Variants in TLN2 observed in about 807,000 individuals in gnomAD.
TLN2 encodes the protein talin 2, also known as talin-2.
A neutral mutation model predicts 294.7 loss-of-function variants in TLN2; 118 were observed. The ratio of observed to expected loss-of-function variants is 0.40; its 90% CI spans 0.34 to 0.47. The LOEUF (loss-of-function observed/expected upper bound fraction) is 0.47, where lower values mean the gene tolerates loss of function less well. Ranked by LOEUF, TLN2 falls within the 20% of genes least tolerant of loss-of-function variation. The pLI is 0.84. For missense variants in TLN2, 3,083 were observed against 3,282.2 expected, an observed-to-expected ratio of 0.94 and a Z score of 1.48; for synonymous variants, 1,431 against 1,304.5, an observed-to-expected ratio of 1.10 and a Z score of -2.09.
intron 29 of TLN2, among the ~76,000 whole-genome samples, chr15:62,737,728 T>G (rs1263289428): frequency 6.6e-6 from 1 of 152,088 alleles, no homozygotes; most frequent in East Asian, 1.9e-4. Context: ...TTGGGCAGAG[T>G]GAGGTTTGGG....
rs543761116 is a variant in TLN2 at position 62,837,357 on chromosome 15, T to A, written c.7374+1284T>A. ...CATCCTGAGTTAAGAGAGACCTGGTTCAAGTCCTGCTTCTGCCATTTATTA... is the reference window on the plus strand; with the variant it reads ...CATCCTGAGTTAAGAGAGACCTGGTACAAGTCCTGCTTCTGCCATTTATTA... On this transcript the variant is annotated intron_variant, in intron 57 of 58. Coordinates refer to ENST00000636159, the MANE Select transcript of TLN2 (RefSeq NM_015059.3). Among the ~76,000 whole-genome samples the A allele has an allele frequency of 5.9e-5, 9 of 152,314 alleles. No individual in the cohort carries two copies. In the South Asian group the frequency reaches 8.3e-4, roughly 14 times the overall value.
At chr15:62,792,859 CA>C (rs1333830324) in intron 46 of TLN2, 72 bp downstream of exon 46, 2 of 1,576,696 alleles carry the variant, frequency 1.3e-6, no homozygotes, top group African/African-American at 2.7e-5. Flanking sequence ...TAATCAAGGA[CA>C]AAAGCAGGAA....
intron 20 of TLN2, 113 bp from the exon 21 acceptor site, chr15:62,708,389 A>G: frequency 9.2e-7 from 1 of 1,083,988 alleles, no homozygotes; most frequent in Non-Finnish European, 1.4e-6. Flanking sequence ...GTGGTCCTGT[A>G]AGTAAGAAAC....
intron 11 of TLN2, among the ~76,000 whole-genome samples, chr15:62,678,138 T>C (rs529323725): frequency 1.2e-4 from 19 of 152,296 alleles, no homozygotes; most frequent in African/African-American, 4.6e-4. Flanking sequence ...TTCAAATTGT[T>C]ATTAATTTTA....
chr15:62,578,231 T>G (rs2044600259), intron 1 of TLN2, among the ~76,000 whole-genome samples: 1 of 152,152 alleles, frequency 6.6e-6, no homozygotes, highest in Admixed American at 6.5e-5. Flanking sequence ...TTACAAAATC[T>G]CATCACCCAA....
chr15:62,537,061 C>T (rs1232776189), intron 1 of TLN2, among the ~76,000 whole-genome samples: 2 of 151,788 alleles, frequency 1.3e-5, no homozygotes, highest in African/African-American at 4.8e-5. Flanking sequence ...CTCTGTCGCC[C>T]AGGCTGGAGT....
chr15:62,779,750 G>T (rs923207204), intron 43 of TLN2, among the ~76,000 whole-genome samples: 1 of 152,226 alleles, frequency 6.6e-6, no homozygotes, highest in African/African-American at 2.4e-5. Context: ...GACTAGCAGG[G>T]CCCCCGTGCC....
intron 1 of TLN2, among the ~76,000 whole-genome samples, chr15:62,572,794 G>T (rs990529107): frequency 7.0e-6 from 1 of 142,696 alleles, no homozygotes; most frequent in African/African-American, 2.5e-5. Context: ...CTGACCCTGG[G>T]TCTGGAGGCA....
At chr15:62,496,490 C>G (rs1047207902) in intron 1 of TLN2, among the ~76,000 whole-genome samples, 2 of 150,906 alleles carry the variant, frequency 1.3e-5, no homozygotes, top group African/African-American at 4.9e-5. Flanking sequence ...CTCACCCACA[C>G]TTTGCAGAGA....
chr15:62,434,617 A>C (rs558685476), intron 1 of TLN2, among the ~76,000 whole-genome samples: 27 of 152,338 alleles, frequency 1.8e-4, no homozygotes, highest in African/African-American at 5.8e-4. Flanking sequence ...TATCATTTTT[A>C]ATCATTTAAC....
chr15:62,800,336 C>A (rs1481435637), intron 48 of TLN2, 32 bp from the exon 49 acceptor site: 1 of 1,607,170 alleles, frequency 6.2e-7, no homozygotes, highest in South Asian at 1.1e-5. Flanking sequence ...CATCTTGACG[C>A]CTGCTCACCT....
At chr15:62,471,229 C>T (rs746983179) in intron 1 of TLN2, among the ~76,000 whole-genome samples, 5 of 152,084 alleles carry the variant, frequency 3.3e-5, no homozygotes, top group African/African-American at 1.2e-4. Flanking sequence ...CCCAGCTACT[C>T]GGGGGACTGA....
chr15:62,505,541 G>T (rs1398779658), intron 1 of TLN2, among the ~76,000 whole-genome samples: 2 of 152,130 alleles, frequency 1.3e-5, no homozygotes, highest in Non-Finnish European at 2.9e-5. Context: ...TCTAATTGGG[G>T]TCTGCAGGCG....
chr15:62,576,593 GTA>G (rs2044423219), intron 1 of TLN2, among the ~76,000 whole-genome samples: 3 of 112,108 alleles, frequency 2.7e-5, no homozygotes, highest in Admixed American at 1.0e-4. Context: ...ACATTGCTCT[GTA>G]TTTTTTTTTT....
Position 62,841,834 on chromosome 15 carries a change from T to C in TLN2, c.*1224T>C, listed in dbSNP as rs2070734578. 1 of 152,140 alleles carries C rather than the reference T, an allele frequency of 6.6e-6. No individual in the cohort carries two copies. The allele number at this position is 152,140 out of a possible 1,614,324, so 9.4% of individuals were successfully genotyped here. On this transcript the variant is annotated 3_prime_UTR_variant, in exon 59 of 59. Coordinates refer to ENST00000636159, the MANE Select transcript of TLN2 (RefSeq NM_015059.3). ...TTTAGCCAAGGCAGTGCATGGAAGA[T>C]GAATGGCTCGTGGGACAGAATCTAA...
At chr15:62,680,624 T>TC (rs2056740524) in intron 11 of TLN2, among the ~76,000 whole-genome samples, 1 of 150,748 alleles carries the variant, frequency 6.6e-6, no homozygotes, top group Non-Finnish European at 1.5e-5. Context: ...GCGTTTTTTT[T>TC]GTTACATGGG....
chr15:62,820,505 A>G lies in TLN2; in HGVS notation c.6897A>G (p.Pro2299=). 2.5e-6 allele frequency: 4 copies of G among 1,614,010 alleles called. No individual in the cohort carries two copies. Among genetic ancestry groups the G allele is most frequent in the Non-Finnish European group, 3.4e-6 (4 of 1,179,936 alleles). The change falls in exon 54 of 59, where the codon CCA becomes CCG. Residue 2299 remains proline (P), a synonymous_variant. Coordinates refer to ENST00000636159, the MANE Select transcript of TLN2 (RefSeq NM_015059.3). ...TTCTAGGAACAGAGTGGGTGGATCC[A>G]GAAGACCCAACTGTCATTGCAGAAA... ...EAMKGTEWVD[P]EDPTVIAETE...
chr15:62,647,519 A>T, intron 4 of TLN2, 73 bp downstream of exon 4: 1 of 1,601,186 alleles, frequency 6.2e-7, no homozygotes, highest in Non-Finnish European at 8.5e-7. Context: ...AAAGAGACAG[A>T]GGCTCCAAGT....
intron 16 of TLN2, among the ~76,000 whole-genome samples, chr15:62,699,740 C>T (rs2058595824): frequency 6.6e-6 from 1 of 152,216 alleles, no homozygotes; most frequent in South Asian, 2.1e-4. Flanking sequence ...TTGAGAAGCA[C>T]CGGCTAGCGC....
Sources: gnomAD v4.1 joint callset for allele counts (sites outside exome capture counted in the v4.1 genomes callset) on GRCh38, gnomAD v4.1.1 for gene constraint, MANE v1.5 for transcripts, NCBI Gene and HGNC (gene_info 2026-07-23, HGNC 2026-07-21) for gene names.